Variants in CEP89 observed in about 807,000 individuals in gnomAD.
The protein encoded by CEP89 is centrosomal protein of 89 kDa.
In CEP89, 95 loss-of-function variants were observed where a neutral mutation model predicts 97.6. The ratio of observed to expected loss-of-function variants is 0.97; its 90% confidence interval spans 0.82 to 1.15. The LOEUF is 1.15. CEP89 is among the 50% of genes most tolerant of loss of function. CEP89 has a pLI of 0.00. For missense variants in CEP89, 869 were observed against 947.7 expected (o/e 0.92, Z 1.09); for synonymous variants, 354 against 349.1 (o/e 1.01, Z -0.16).
At chr19:32,946,442 A>G (rs1331952563) in intron 5 of CEP89, among the ~76,000 whole-genome samples, 1 of 152,180 alleles carries the variant, frequency 6.6e-6, no homozygotes, top group African/African-American at 2.4e-5. Flanking sequence ...GACATTTGGC[A>G]TGTGTTGTGA....
chr19:32,960,162 G>A, intron 2 of CEP89, 104 bp from the exon 3 acceptor site: 1 of 1,235,016 alleles, frequency 8.1e-7, no homozygotes, highest in Non-Finnish European at 1.1e-6. Flanking sequence ...GCTGGACAGT[G>A]TCGACTGAGC....
intron 2 of CEP89, among the ~76,000 whole-genome samples, chr19:32,965,513 T>G (rs990498199): frequency 1.3e-5 from 2 of 151,382 alleles, no homozygotes; most frequent in African/African-American, 4.9e-5. Flanking sequence ...CTGGGAAACA[T>G]GGCAAAACCC....
At chr19:32,915,300 GAAAAA>G in intron 14 of CEP89, 32 bp downstream of exon 14, 1 of 1,221,804 alleles carries the variant, frequency 8.2e-7, no homozygotes. Flanking sequence ...CTCGAAAAAA[GAAAAA>G]AAAAAAAAAA....
chr19:32,934,206 C>G (rs952014964), intron 7 of CEP89, among the ~76,000 whole-genome samples: 2 of 151,986 alleles, frequency 1.3e-5, no homozygotes, highest in African/African-American at 2.4e-5. Flanking sequence ...GATGCTCCCC[C>G]AGATGAGGAG....
intron 1 of CEP89, chr19:32,970,424 G>A (rs1300170076): frequency 6.6e-6 from 1 of 152,104 alleles, no homozygotes; most frequent in Non-Finnish European, 1.5e-5. Flanking sequence ...GGAGGCCAAG[G>A]TGAGAGGATT....
intron 12 of CEP89, among the ~76,000 whole-genome samples, chr19:32,919,737 C>T (rs377138157): frequency 1.2e-4 from 19 of 152,104 alleles, no homozygotes; most frequent in African/African-American, 4.6e-4. Context: ...AAATCTTGGC[C>T]CACTGCAACT....
chr19:32,914,580 C>T (rs547570689), intron 14 of CEP89, among the ~76,000 whole-genome samples: 1 of 152,110 alleles, frequency 6.6e-6, no homozygotes, highest in African/African-American at 2.4e-5. Flanking sequence ...CCCAGTTCCA[C>T]TATTTTAAAT....
At chr19:32,952,609 A>G (rs575546598) in intron 4 of CEP89, among the ~76,000 whole-genome samples, 1 of 152,256 alleles carries the variant, frequency 6.6e-6, no homozygotes, top group South Asian at 2.1e-4. Context: ...TGATGGTGAA[A>G]AAAAGAAAAA....
chr19:32,917,529 T>C (rs10422734), intron 13 of CEP89, among the ~76,000 whole-genome samples: 23,239 of 152,198 alleles, frequency 0.15, 2,092 homozygotes, highest in Non-Finnish European at 0.21. Flanking sequence ...TCATGCAAGA[T>C]GGCTTGTGTT....
At chr19:32,955,686 G>T (rs1304753760) in intron 3 of CEP89, among the ~76,000 whole-genome samples, 5 of 151,836 alleles carry the variant, frequency 3.3e-5, no homozygotes, top group African/African-American at 1.2e-4. Flanking sequence ...GCTAATTTTT[G>T]TATTTTTAGT....
At chr19:32,913,272 A>T (rs1970044353) in intron 14 of CEP89, among the ~76,000 whole-genome samples, 1 of 143,796 alleles carries the variant, frequency 7.0e-6, no homozygotes, top group South Asian at 2.3e-4. Context: ...TCTTTTTGAC[A>T]TGAGAAAATA....
chr19:32,958,432 C>G (rs914747641), intron 3 of CEP89, among the ~76,000 whole-genome samples: 1 of 151,962 alleles, frequency 6.6e-6, no homozygotes, highest in African/African-American at 2.4e-5. Flanking sequence ...CACTTGTAAT[C>G]CCAGCACTTT....
chr19:32,957,714 G>C (rs561540078), intron 3 of CEP89, among the ~76,000 whole-genome samples: 8 of 152,306 alleles, frequency 5.3e-5, no homozygotes, highest in African/African-American at 1.9e-4. Flanking sequence ...GGAGGCTGAG[G>C]CAGGAGAATT....
chr19:32,961,655 C>CT (rs1242500067), intron 2 of CEP89, among the ~76,000 whole-genome samples: 14 of 147,522 alleles, frequency 9.5e-5, no homozygotes, highest in South Asian at 4.4e-4. Context: ...GGTTTTGGGG[C>CT]TTTTTTTTGA....
Position 32,915,344 on chromosome 19 carries a change from A to G in CEP89, c.1558T>C (p.Leu520=), listed in dbSNP as rs1315433745. Residue 520 remains leucine, a synonymous_variant, in exon 14 of 19, where the codon TTA becomes CTA. Transcript: ENST00000305768. ...VEVHKSIVNE[L]KSQLQKEEEK... is the part of the protein sequence containing the mutation. ...AAAACATTAAATCCTTACCTTTTTA[A>G]TTCATTCACAATTGATTTATGAACT... 6.3e-7 allele frequency: 1 copy of G among 1,588,116 alleles called. No individual in the cohort carries two copies. Among genetic ancestry groups the G allele is most frequent in the East Asian group, 2.2e-5 (1 of 44,568 alleles).
intron 2 of CEP89, among the ~76,000 whole-genome samples, chr19:32,965,531 A>T (rs946373481): frequency 6.6e-6 from 1 of 151,756 alleles, no homozygotes; most frequent in African/African-American, 2.4e-5. Context: ...CCCTATCTCT[A>T]TAAAAAATAG....
Position 32,948,355 on chromosome 19 carries a change from T to C in CEP89, c.506A>G (p.His169Arg). The C allele has an allele frequency of 6.2e-7, 1 of 1,604,714 alleles. No homozygotes were observed. The highest frequency in any genetic ancestry group is 8.5e-7 in the Non-Finnish European group (1 of 1,175,214). The change falls in exon 5 of 19, where the codon CAT (histidine) becomes CGT (arginine). Residue 169 changes from histidine to arginine, a missense_variant. By Grantham distance (29) the His-to-Arg change is conservative (BLOSUM62 0). Coordinates refer to ENST00000305768, the MANE Select transcript of CEP89 (RefSeq NM_032816.5). ...VPHRNQVPLL[H>R]EVNSEDDENI... ...TTCATCGTCTTCACTGTTCACCTCA[T>C]GTAACAATGGCACCTTTTTGTTATA...
At chr19:32,906,716 G>T (rs1316263637) in intron 14 of CEP89, among the ~76,000 whole-genome samples, 3 of 148,870 alleles carry the variant, frequency 2.0e-5, no homozygotes, top group African/African-American at 7.3e-5. Flanking sequence ...CTCATATATA[G>T]ATATATATAT....
At chr19:32,957,651 A>T (rs1386377182) in intron 3 of CEP89, among the ~76,000 whole-genome samples, 3 of 152,060 alleles carry the variant, frequency 2.0e-5, no homozygotes, top group Non-Finnish European at 4.4e-5. Flanking sequence ...CTCTACTAAA[A>T]ATACAAAAAT....
Sources: allele counts gnomAD v4.1 joint callset (sites outside exome capture counted in the v4.1 genomes callset), GRCh38; gene constraint gnomAD v4.1.1; transcripts MANE v1.5; gene names NCBI Gene and HGNC (gene_info 2026-07-23, HGNC 2026-07-21).